The following DOCK7 variants were observed in gnomAD, a reference collection of about 807,000 sequenced individuals.
The protein encoded by DOCK7 is dedicator of cytokinesis 7.
DOCK7 carries 138 observed loss-of-function variants against 271.0 expected under a neutral mutation model. The ratio of observed to expected loss-of-function variants is 0.51; its 90% confidence interval spans 0.44 to 0.59. The LOEUF (loss-of-function observed/expected upper bound fraction) is 0.59. Ranked by LOEUF, DOCK7 falls within the 20% of genes least tolerant of loss-of-function variation. The pLI is 0.00. For missense variants in DOCK7, 2,066 were observed against 2,592.4 expected, an observed-to-expected ratio of 0.80 and a Z score of 4.41; for synonymous variants, 823 against 876.1, an observed-to-expected ratio of 0.94 and a Z score of 1.07.
chr1:62,548,714 C>T (rs1312745868), intron 22 of DOCK7, among the ~76,000 whole-genome samples: 1 of 152,174 alleles, frequency 6.6e-6, no homozygotes, highest in Non-Finnish European at 1.5e-5. Flanking sequence ...AGCCACCACG[C>T]CCAGCCATGT....
Position 62,555,941 on chromosome 1 carries a change from C to T in DOCK7, c.2480G>A (p.Arg827Gln), listed in dbSNP as rs78144896. Residue 827 changes from arginine to glutamine, a missense_variant, in exon 21 of 50, where the codon CGA becomes CAA. By Grantham distance (43) the Arg-to-Gln change is conservative. Around this residue, in one of 2 missense-constraint regions of DOCK7, gnomAD observed 1,414 missense variants for 1,670.4 expected, o/e 0.85. Transcript: ENST00000635253. Reference sequence around the variant, plus strand: ...ATTTCCTTCCAAGTTTTTGTGAAGTCGATTTATAATTGATGCCATGGCTTC... The same window carrying T: ...ATTTCCTTCCAAGTTTTTGTGAAGTTGATTTATAATTGATGCCATGGCTTC... ...SFEAMASIINRLHKNLEGNHD... is the reference protein window; with the variant it reads ...SFEAMASIINQLHKNLEGNHD... 3 of 1,613,730 alleles carry T rather than the reference C, an allele frequency of 1.9e-6. No homozygotes were observed. The highest frequency in any genetic ancestry group is 2.5e-6 in the Non-Finnish European group (3 of 1,179,870).
chr1:62,476,226 G>T, intron 44 of DOCK7, 70 bp from the exon 45 acceptor site: 1 of 1,180,132 alleles, frequency 8.5e-7, no homozygotes, highest in Non-Finnish European at 1.2e-6. Context: ...GCCTGAGGGT[G>T]ACTCCTGAGC....
chr1:62,499,782 G>A (rs949148228), intron 37 of DOCK7, among the ~76,000 whole-genome samples: 5 of 152,076 alleles, frequency 3.3e-5, no homozygotes, highest in Non-Finnish European at 4.4e-5. Flanking sequence ...GGGAGGCTGA[G>A]GTGGGAGGAT....
intron 29 of DOCK7, 62 bp downstream of exon 29, chr1:62,535,431 T>C: frequency 1.4e-6 from 2 of 1,411,166 alleles, no homozygotes; most frequent in South Asian, 2.6e-5. Context: ...GTGAGTGGAA[T>C]ACTTCTGTCC....
At chr1:62,650,802 C>T (rs1657241815) in intron 4 of DOCK7, among the ~76,000 whole-genome samples, 2 of 152,114 alleles carry the variant, frequency 1.3e-5, no homozygotes, top group Non-Finnish European at 2.9e-5. Context: ...ACAACAGGTG[C>T]TGGAGAGGAT....
At chr1:62,584,104 G>A in intron 15 of DOCK7, 1 of 954,508 alleles carries the variant, frequency 1.0e-6, no homozygotes. Flanking sequence ...AACACAACTG[G>A]TAAAACAACT....
At chr1:62,488,554 T>C in intron 42 of DOCK7, 1 of 186,770 alleles carries the variant, frequency 5.4e-6, no homozygotes, top group South Asian at 1.0e-4. Flanking sequence ...TTTCACATCA[T>C]TTAATTTAAA....
chr1:62,570,710 A>G (rs1646742999), intron 18 of DOCK7, among the ~76,000 whole-genome samples: 1 of 152,176 alleles, frequency 6.6e-6, no homozygotes, highest in African/African-American at 2.4e-5. Context: ...AAACAGACAC[A>G]TAGACCAATG....
chr1:62,492,646 T>C, intron 41 of DOCK7, 58 bp downstream of exon 41: 2 of 1,595,466 alleles, frequency 1.3e-6, no homozygotes, highest in Non-Finnish European at 1.7e-6. Flanking sequence ...TAAATACACA[T>C]GTCATTGATA....
intron 2 of DOCK7, among the ~76,000 whole-genome samples, chr1:62,661,641 G>A (rs530460011): frequency 3.3e-5 from 5 of 152,060 alleles, no homozygotes; most frequent in East Asian, 3.9e-4. Context: ...CTGGGAAGTC[G>A]CTACCTATGA....
intron 8 of DOCK7, chr1:62,635,626 A>T (rs1029474527): frequency 6.6e-6 from 1 of 152,180 alleles, no homozygotes; most frequent in African/African-American, 2.4e-5. Flanking sequence ...AAAATTTATG[A>T]ATAATATCCC....
intron 7 of DOCK7, among the ~76,000 whole-genome samples, chr1:62,639,774 T>G (rs1655766456): frequency 6.6e-6 from 1 of 152,124 alleles, no homozygotes; most frequent in Non-Finnish European, 1.5e-5. Context: ...ATCCATATTA[T>G]TACTATCATG....
intron 14 of DOCK7, chr1:62,597,487 A>G: frequency 6.8e-7 from 1 of 1,476,944 alleles, no homozygotes; most frequent in Non-Finnish European, 9.3e-7. Context: ...AAATATTGGT[A>G]TATATAGAGT....
chr1:62,523,921 C>A (rs1440903845), intron 31 of DOCK7, among the ~76,000 whole-genome samples: 18 of 151,804 alleles, frequency 1.2e-4, no homozygotes, highest in Admixed American at 1.1e-3. Context: ...ATTCTAACCA[C>A]CAAATTCACC....
intron 37 of DOCK7, among the ~76,000 whole-genome samples, chr1:62,499,258 T>C (rs1193901045): frequency 1.3e-5 from 2 of 152,180 alleles, no homozygotes; most frequent in African/African-American, 4.8e-5. Context: ...GTAAGATCAA[T>C]AAAGTAACCA....
In DOCK7 at chr1:62,604,120, T is replaced by C. The variant is rs751838274; in HGVS notation, c.1682+14586A>G. ...ATCACGAAACCAACTATACGCTACATCTAGTTGCGATTACTGGCAATGTCC... is the reference window on the plus strand; with the variant it reads ...ATCACGAAACCAACTATACGCTACACCTAGTTGCGATTACTGGCAATGTCC... On this transcript the variant is annotated intron_variant, in intron 14 of 49. Coordinates refer to ENST00000635253, the MANE Select transcript of DOCK7 (RefSeq NM_001367561.1). 1.9e-6 allele frequency: 3 copies of C among 1,613,248 alleles called. No individual in the cohort carries two copies. In the East Asian group the frequency reaches 6.7e-5, roughly 36 times the overall value.
intron 43 of DOCK7, chr1:62,478,708 C>G (rs1646034532): frequency 6.6e-6 from 1 of 152,000 alleles, no homozygotes; most frequent in African/African-American, 2.4e-5. Context: ...CCACCGCACC[C>G]AGCCCAGTAA....
intron 31 of DOCK7, among the ~76,000 whole-genome samples, chr1:62,515,187 G>A (rs535964285): frequency 2.0e-5 from 3 of 150,630 alleles, no homozygotes; most frequent in East Asian, 1.9e-4. Context: ...AATAAGAGGC[G>A]GGACAACAGT....
intron 1 of DOCK7, among the ~76,000 whole-genome samples, chr1:62,687,993 G>A (rs1313068203): frequency 6.6e-6 from 1 of 151,844 alleles, no homozygotes; most frequent in East Asian, 1.9e-4. Context: ...GGCCCTCTCC[G>A]CTCCCTGCCG....
Sources: gnomAD v4.1 joint callset for allele counts (sites outside exome capture counted in the v4.1 genomes callset) on GRCh38, gnomAD v4.1.1 for gene constraint, gnomAD v4.1.1 regional missense constraint, MANE v1.5 for transcripts, NCBI Gene and HGNC (gene_info 2026-07-23, HGNC 2026-07-21) for gene names.